Variants in MYRFL observed in about 807,000 individuals in gnomAD.
The protein encoded by MYRFL is myelin regulatory factor like.
Under a neutral mutation model 109.4 loss-of-function variants are expected in MYRFL, and 88 were observed. The observed-to-expected ratio is 0.80, with a 90% CI of 0.68 to 0.96. The LOEUF (loss-of-function observed/expected upper bound fraction) is 0.96. Ranked by LOEUF, MYRFL falls within the 40% of genes least tolerant of loss-of-function variation. The probability of loss-of-function intolerance (pLI) is 0.00; values close to 1 mark genes in which losing one functional copy is unlikely to be tolerated. For synonymous variants in MYRFL, 324 were observed against 320.9 expected, an observed-to-expected ratio of 1.01 and a Z score of -0.10; for missense variants, 957 against 954.9, an observed-to-expected ratio of 1.00 and a Z score of -0.03.
chr12:69,901,601 C>T (rs1954182267), intron 10 of MYRFL, among the ~76,000 whole-genome samples: 1 of 152,146 alleles, frequency 6.6e-6, no homozygotes. Flanking sequence ...TGAAAAAATT[C>T]ATCACTGTCT....
rs143444167 is a variant in MYRFL at position 69,935,831 on chromosome 12, C to T, written c.1917-282C>T. The T allele has an allele frequency of 4.0e-3, 1,718 of 430,176 alleles. 22 individuals carry two copies. The highest frequency in any genetic ancestry group is 0.028 in the African/African-American group (1,397 of 49,060). The allele number at this position is 430,176 out of a possible 1,614,324, so 26.6% of individuals were successfully genotyped here. On this transcript the variant is annotated intron_variant, in intron 16 of 24. Coordinates refer to ENST00000552032, the MANE Select transcript of MYRFL (RefSeq NM_182530.3). ...GTAATCTTCCACTAGTGACAGGCACCTCTGAGACAGCTTGCCAGGGCTGGG... is the reference window on the plus strand; with the variant it reads ...GTAATCTTCCACTAGTGACAGGCACTTCTGAGACAGCTTGCCAGGGCTGGG...
Position 69,832,781 on chromosome 12 carries a change from CAG to C in MYRFL, c.46+7219_46+7220del, listed in dbSNP as rs1399002998. Among the ~76,000 whole-genome samples, 3 of 151,926 alleles carry C rather than the reference CAG, an allele frequency of 2.0e-5. No individual in the cohort carries two copies. In the East Asian group the frequency reaches 5.8e-4, roughly 30 times the overall value. ...ACATTAGAGTTTGGATTTTTATTCT[CAG>C]TGTGGAGAGTTTTAAGCAGGAGAAC... On this transcript the variant is annotated intron_variant, in intron 1 of 24. Transcript: ENST00000552032.
intron 1 of MYRFL, among the ~76,000 whole-genome samples, chr12:69,843,643 C>T (rs904938026): frequency 5.3e-5 from 8 of 152,316 alleles, no homozygotes; most frequent in Middle Eastern, 6.8e-3. Flanking sequence ...GTGGGTACAA[C>T]TTGGTTGTGT....
intron 2 of MYRFL, among the ~76,000 whole-genome samples, chr12:69,863,340 T>G (rs1007660847): frequency 5.9e-5 from 9 of 152,316 alleles, no homozygotes; most frequent in Admixed American, 2.0e-4. Flanking sequence ...GGTTCCTCCT[T>G]GTACCTCTGG....
intron 7 of MYRFL, among the ~76,000 whole-genome samples, chr12:69,891,561 ATTTCTTTCTTTCTTTCTTTC>A (rs60757761): frequency 8.8e-6 from 1 of 114,108 alleles, no homozygotes; most frequent in African/African-American, 3.1e-5. Context: ...AAAGGTGTCA[ATTTCTTTCTTTCTTTCTTTC>A]TTTCTTTCTT....
chr12:69,891,645 C>CTTTA (rs1886872706), intron 7 of MYRFL, among the ~76,000 whole-genome samples: 1 of 88,608 alleles, frequency 1.1e-5, no homozygotes, highest in Non-Finnish European at 2.2e-5. Flanking sequence ...CTTTTTCTTT[C>CTTTA]TTTCTTTCTT....
At chr12:69,856,370 GTA>G (rs1884284165) in intron 2 of MYRFL, among the ~76,000 whole-genome samples, 3 of 152,060 alleles carry the variant, frequency 2.0e-5, no homozygotes, top group Admixed American at 1.3e-4. Flanking sequence ...AAATATTTAT[GTA>G]TGGGTTTTTG....
At chr12:69,850,213 A>G (rs1883799762) in intron 1 of MYRFL, among the ~76,000 whole-genome samples, 1 of 152,308 alleles carries the variant, frequency 6.6e-6, no homozygotes, top group Non-Finnish European at 1.5e-5. Flanking sequence ...TGTAAGTCCA[A>G]TAAACCTCTT....
intron 5 of MYRFL, among the ~76,000 whole-genome samples, chr12:69,884,209 C>A (rs1376662742): frequency 6.6e-6 from 1 of 152,204 alleles, no homozygotes; most frequent in Non-Finnish European, 1.5e-5. Context: ...TGATGGAATA[C>A]TATGTAATGT....
chr12:69,954,573 T>A (rs1005578508), intron 21 of MYRFL, among the ~76,000 whole-genome samples: 3 of 152,254 alleles, frequency 2.0e-5, no homozygotes, highest in African/African-American at 7.2e-5. Flanking sequence ...GATCTTTCCA[T>A]TTCCTTTACT....
rs1409164961 is a variant in MYRFL, at chr12:69,952,813, A to G, written c.2302A>G (p.Ile768Val). 5.2e-6 allele frequency: 8 copies of G among 1,531,730 alleles called. No individual in the cohort carries two copies. The highest frequency in any genetic ancestry group is 7.0e-6 in the Non-Finnish European group (8 of 1,143,758). 94.9% of individuals were successfully genotyped at this position (1,531,730 alleles called of 1,614,324 possible). ...TCTCAATTCAGGGATTGATACAACC[A>G]TCAGTTCTATTCAGATTATGGAAAT... ...DWESDWIDTTISSIQIMEIQQ... is the reference protein window; with the variant it reads ...DWESDWIDTTVSSIQIMEIQQ... The change falls in exon 21 of 25, where the codon ATC (isoleucine) becomes GTC (valine). Residue 768 changes from isoleucine to valine, a missense_variant. Physicochemically the swap from Ile to Val is conservative, Grantham distance 29. Transcript: ENST00000552032.
chr12:69,878,883 C>T (rs1885860657), intron 2 of MYRFL, 145 bp from the exon 3 acceptor site: 4 of 650,074 alleles, frequency 6.2e-6, no homozygotes, highest in Admixed American at 2.2e-5. Context: ...GCTGGGGTCT[C>T]ACTTCCCAAA....
chr12:69,936,004 G>T, intron 16 of MYRFL, 109 bp from the exon 17 acceptor site: 1 of 1,278,314 alleles, frequency 7.8e-7, no homozygotes, highest in Non-Finnish European at 1.0e-6. Flanking sequence ...GCTCCCATCT[G>T]TGTGGCCTGT....
At chr12:69,891,631 C>T (rs1257144153) in intron 7 of MYRFL, among the ~76,000 whole-genome samples, 1 of 18,166 alleles carries the variant, frequency 5.5e-5, no homozygotes, top group Non-Finnish European at 1.1e-4. Flanking sequence ...TTCCTCCTTC[C>T]TTTCTTTTTC....
intron 11 of MYRFL, among the ~76,000 whole-genome samples, chr12:69,904,915 C>T (rs1954306606): frequency 6.6e-6 from 1 of 152,204 alleles, no homozygotes; most frequent in South Asian, 2.1e-4. Context: ...CAAATCTGCA[C>T]TGGTTTTCCT....
chr12:69,958,392 C>G (rs1481928798), intron 24 of MYRFL, 53 bp from the exon 25 acceptor site: 2 of 1,514,410 alleles, frequency 1.3e-6, no homozygotes, highest in Non-Finnish European at 8.8e-7. Context: ...TCACTTTAAC[C>G]ACAGTTAATT....
rs151262486 is a variant in MYRFL, at chr12:69,879,376, C to A, written c.387C>A (p.Thr129=). The A allele has an allele frequency of 1.4e-6, 1 of 702,936 alleles. No homozygotes were observed. Among genetic ancestry groups the A allele is most frequent in the Non-Finnish European group, 2.6e-6 (1 of 384,856 alleles). The allele number at this position is 702,936 out of a possible 1,614,324, so 43.5% of individuals were successfully genotyped here. ...ACTCAAACGCCAGTCATCTTGCCAC[C>A]CCCCTGGACCAATCCGTGTCCTCCC... ...SCHSNASHLA[T]PLDQSVSSHL... The change falls in exon 4 of 25, where the codon ACC becomes ACA. Residue 129 remains threonine, a synonymous_variant. Transcript: ENST00000552032.
chr12:69,907,740 G>A (rs898355067), intron 11 of MYRFL, among the ~76,000 whole-genome samples: 7 of 152,156 alleles, frequency 4.6e-5, no homozygotes, highest in Non-Finnish European at 1.0e-4. Context: ...GTACTGTGCA[G>A]GTCCTGAGAT....
At position 69,936,107 on chromosome 12, in the gene MYRFL, T is replaced by TTTTTTG; in HGVS notation, c.1917-6_1917-5insTTTTTG. 1 of 739,076 alleles carries TTTTTTG rather than the reference T, an allele frequency of 1.4e-6. No homozygotes were observed. Among genetic ancestry groups the TTTTTTG allele is most frequent in the South Asian group, 1.9e-5 (1 of 52,008 alleles). 45.8% of individuals were successfully genotyped at this position (739,076 alleles called of 1,614,324 possible). A position where few individuals can be genotyped will look rare whatever the true frequency, so the allele number is the denominator to read the frequency against. On this transcript the variant is annotated splice_region_variant and splice_polypyrimidine_tract_variant and intron_variant, in intron 16 of 24. Transcript: ENST00000552032. ...TTTTTTTTTTTTTTTTTTTTTTTTT[T>TTTTTTG]GACAGTGCTTTGACGATAGTTGCCC... is the stretch of plus-strand genomic sequence containing the variant.
Sources: allele counts gnomAD v4.1 joint callset (sites outside exome capture counted in the v4.1 genomes callset), GRCh38; gene constraint gnomAD v4.1.1; transcripts MANE v1.5; gene names NCBI Gene and HGNC (gene_info 2026-07-23, HGNC 2026-07-21).